Variants in AKAP19 observed in about 807,000 individuals in gnomAD.
The protein encoded by AKAP19 is small A-kinase anchoring protein.
the AKAP19 span, among the ~76,000 whole-genome samples, chr2:189,962,331 G>A: frequency 3.9e-5 from 6 of 152,190 alleles, no homozygotes; most frequent in African/African-American, 9.6e-5. Flanking sequence ...TATGATGTTT[G>A]CCCAAAGATG....
At chr2:189,911,977 A>T in the AKAP19 span, among the ~76,000 whole-genome samples, 1 of 152,090 alleles carries the variant, frequency 6.6e-6, no homozygotes, top group Non-Finnish European at 1.5e-5. Flanking sequence ...AATAGAAAAT[A>T]AATATGTAAT....
the AKAP19 span, among the ~76,000 whole-genome samples, chr2:190,156,116 TA>T: frequency 6.6e-6 from 1 of 151,828 alleles, no homozygotes; most frequent in Non-Finnish European, 1.5e-5. Context: ...GGTTTTGGCT[TA>T]AAAAAAGATA....
the AKAP19 span, among the ~76,000 whole-genome samples, chr2:190,196,877 A>C: frequency 0.017 from 2,637 of 152,312 alleles, 29 homozygotes; most frequent in Middle Eastern, 0.031. Context: ...ATGGTATAAC[A>C]AAATACCAGA....
the AKAP19 span, chr2:190,202,876 C>A: frequency 6.0e-6 from 1 of 167,088 alleles, no homozygotes; most frequent in Non-Finnish European, 1.5e-5. Flanking sequence ...CCCCAGTTGT[C>A]GCTTATGTAC....
chr2:189,885,594 A>G, the AKAP19 span, among the ~76,000 whole-genome samples: 1 of 152,130 alleles, frequency 6.6e-6, no homozygotes, highest in Non-Finnish European at 1.5e-5. Flanking sequence ...TTTTGTGGTG[A>G]TTTGTTTTGA....
chr2:189,902,853 C>T, the AKAP19 span, among the ~76,000 whole-genome samples: 5 of 150,712 alleles, frequency 3.3e-5, no homozygotes, highest in African/African-American at 4.9e-5. Flanking sequence ...CTGTACAGCT[C>T]GGTGGCATAT....
At chr2:190,017,808 A>T in the AKAP19 span, among the ~76,000 whole-genome samples, 7 of 151,990 alleles carry the variant, frequency 4.6e-5, no homozygotes, top group Admixed American at 4.6e-4. Flanking sequence ...AGCTTAAAGA[A>T]TTTTTTTTAG....
the AKAP19 span, among the ~76,000 whole-genome samples, chr2:190,133,666 A>G: frequency 1.3e-5 from 2 of 152,238 alleles, no homozygotes; most frequent in Non-Finnish European, 2.9e-5. Context: ...GCCTTAAAAA[A>G]GGGAGTCTTG....
chr2:190,133,347 C>T, the AKAP19 span, among the ~76,000 whole-genome samples: 1 of 150,314 alleles, frequency 6.7e-6, no homozygotes, highest in Non-Finnish European at 1.5e-5. Context: ...TGCTCAACAT[C>T]ATTAATCATC....
chr2:189,931,945 T>G, the AKAP19 span, among the ~76,000 whole-genome samples: 1 of 152,206 alleles, frequency 6.6e-6, no homozygotes, highest in South Asian at 2.1e-4. Flanking sequence ...TGATTTACAG[T>G]CCTTATTTAA....
chr2:189,919,798 T>A, the AKAP19 span, among the ~76,000 whole-genome samples: 1 of 152,146 alleles, frequency 6.6e-6, no homozygotes, highest in South Asian at 2.1e-4. Flanking sequence ...CTCTGTAGAG[T>A]CATCTCTAGC....
the AKAP19 span, among the ~76,000 whole-genome samples, chr2:189,979,598 G>A: frequency 0.011 from 1,619 of 152,074 alleles, 25 homozygotes; most frequent in African/African-American, 0.037. Context: ...TTAAACTAAG[G>A]CATCTCTGTA....
the AKAP19 span, among the ~76,000 whole-genome samples, chr2:189,964,693 A>G: frequency 6.6e-6 from 1 of 152,196 alleles, no homozygotes; most frequent in South Asian, 2.1e-4. Context: ...TAAAAAAAAT[A>G]TGAACCAACC....
At chr2:190,139,788 T>A in the AKAP19 span, among the ~76,000 whole-genome samples, 138,554 of 152,000 alleles carry the variant, frequency 0.91, 64,048 homozygotes, top group East Asian at 1. Context: ...ATATCATTCC[T>A]CCCCCGGCCC....
At chr2:189,894,578 C>T in the AKAP19 span, among the ~76,000 whole-genome samples, 2 of 151,952 alleles carry the variant, frequency 1.3e-5, no homozygotes, top group African/African-American at 4.8e-5. Flanking sequence ...TCTGTCTTCT[C>T]ATGACCATAT....
chr2:190,109,482 T>TCAGAACTC, the AKAP19 span, among the ~76,000 whole-genome samples: 1 of 152,076 alleles, frequency 6.6e-6, no homozygotes, highest in East Asian at 1.9e-4. Context: ...ACAGTGTCTT[T>TCAGAACTC]CAGAACTCCA....
the AKAP19 span, among the ~76,000 whole-genome samples, chr2:189,885,680 A>G: frequency 0.012 from 1,896 of 152,350 alleles, 36 homozygotes; most frequent in African/African-American, 0.04. Flanking sequence ...TTGGTCTTCC[A>G]GAAAATGATC....
At chr2:190,005,633 A>G in the AKAP19 span, among the ~76,000 whole-genome samples, 1 of 152,210 alleles carries the variant, frequency 6.6e-6, no homozygotes, top group Admixed American at 6.5e-5. Flanking sequence ...TAGGGCAGAC[A>G]GATGGATTCC....
At chr2:190,033,546 A>G in the AKAP19 span, among the ~76,000 whole-genome samples, 10 of 152,240 alleles carry the variant, frequency 6.6e-5, no homozygotes, top group African/African-American at 2.2e-4. Context: ...GGATGGGACA[A>G]AACCAATTTA....
Sources: allele counts gnomAD v4.1 joint callset (sites outside exome capture counted in the v4.1 genomes callset), GRCh38; gene constraint gnomAD v4.1.1; transcripts MANE v1.5; gene names NCBI Gene and HGNC (gene_info 2026-07-23, HGNC 2026-07-21).